Variants in RABGAP1L observed in about 807,000 individuals in gnomAD.
The protein encoded by RABGAP1L is RAB GTPase activating protein 1 like.
A neutral mutation model predicts 137.7 loss-of-function variants in RABGAP1L; 63 were observed. The observed-to-expected ratio is 0.46, with a 90% CI of 0.37 to 0.56. The LOEUF is 0.56. Ranked by LOEUF, RABGAP1L falls within the 20% of genes least tolerant of loss-of-function variation. The pLI, the probability that RABGAP1L is intolerant of heterozygous loss-of-function variation, is 0.00. For missense variants in RABGAP1L, 1,095 were observed against 1,244.0 expected, an observed-to-expected ratio of 0.88 and a Z score of 1.80; for synonymous variants, 431 against 433.7, an observed-to-expected ratio of 0.99 and a Z score of 0.08.
At chr1:174,318,348 A>G (rs1221715618) in intron 11 of RABGAP1L, among the ~76,000 whole-genome samples, 3 of 152,130 alleles carry the variant, frequency 2.0e-5, no homozygotes, top group South Asian at 4.2e-4. Context: ...TTTTCTCTTC[A>G]CTACATTTTT....
intron 13 of RABGAP1L, among the ~76,000 whole-genome samples, chr1:174,417,164 A>C (rs1558215772): frequency 6.6e-6 from 1 of 152,162 alleles, no homozygotes; most frequent in African/African-American, 2.4e-5. Context: ...ATTTTAACTT[A>C]TTCTTCTTAT....
At chr1:174,639,505 C>G (rs529934345) in intron 14 of RABGAP1L, among the ~76,000 whole-genome samples, 2 of 152,008 alleles carry the variant, frequency 1.3e-5, no homozygotes, top group East Asian at 1.9e-4. Flanking sequence ...ATATCATTTC[C>G]AAGTTTATTT....
At chr1:174,923,890 A>AG (rs1300613855) in intron 19 of RABGAP1L, among the ~76,000 whole-genome samples, 2 of 151,854 alleles carry the variant, frequency 1.3e-5, no homozygotes. Flanking sequence ...AAAAAAAAAA[A>AG]AAAAAGAAAA....
intron 13 of RABGAP1L, among the ~76,000 whole-genome samples, chr1:174,440,197 A>G (rs1326748782): frequency 6.6e-6 from 1 of 152,200 alleles, no homozygotes; most frequent in Non-Finnish European, 1.5e-5. Flanking sequence ...GAGAAGTGAG[A>G]CTGGATGGAT....
intron 17 of RABGAP1L, among the ~76,000 whole-genome samples, chr1:174,721,537 A>G (rs1345335246): frequency 6.6e-6 from 1 of 152,234 alleles, no homozygotes. Flanking sequence ...TGCATATTTT[A>G]ATAACTAAAC....
intron 13 of RABGAP1L, among the ~76,000 whole-genome samples, chr1:174,621,120 A>G (rs1672419433): frequency 3.3e-5 from 5 of 152,222 alleles, no homozygotes; most frequent in Admixed American, 3.3e-4. Context: ...CAAAGAGAAT[A>G]AAATACCTAG....
intron 18 of RABGAP1L, among the ~76,000 whole-genome samples, chr1:174,762,924 C>T (rs1685349481): frequency 6.7e-6 from 1 of 149,322 alleles, no homozygotes; most frequent in South Asian, 2.1e-4. Context: ...AAGAGGTTCT[C>T]GTGCCTCAGC....
chr1:174,209,062 T>G (rs972463688), intron 1 of RABGAP1L, among the ~76,000 whole-genome samples: 6 of 152,152 alleles, frequency 3.9e-5, no homozygotes, highest in African/African-American at 1.4e-4. Context: ...TAGATTCTTG[T>G]AAGGAGCACT....
intron 10 of RABGAP1L, 79 bp downstream of exon 10, chr1:174,278,858 C>T: frequency 8.6e-7 from 1 of 1,157,912 alleles, no homozygotes; most frequent in Non-Finnish European, 1.2e-6. Context: ...CAAGATAATT[C>T]CTGAAGTTGC....
intron 11 of RABGAP1L, among the ~76,000 whole-genome samples, chr1:174,325,269 T>G (rs1490578480): frequency 6.6e-6 from 1 of 152,220 alleles, no homozygotes; most frequent in African/African-American, 2.4e-5. Flanking sequence ...ATCGTGGCAG[T>G]TTCTCAGACA....
At chr1:174,534,802 A>AAATAAT (rs1553324951) in intron 13 of RABGAP1L, among the ~76,000 whole-genome samples, 2 of 137,264 alleles carry the variant, frequency 1.5e-5, no homozygotes, top group Non-Finnish European at 3.1e-5. Flanking sequence ...AAAAAAAAAA[A>AAATAAT]AATAATTAGA....
At chr1:174,465,231 G>A (rs937532867) in intron 13 of RABGAP1L, among the ~76,000 whole-genome samples, 5 of 152,056 alleles carry the variant, frequency 3.3e-5, no homozygotes, top group Admixed American at 6.6e-5. Context: ...GCGGAGTCTC[G>A]CTCTGTCACC....
chr1:174,464,540 A>G (rs1486474109), intron 13 of RABGAP1L, among the ~76,000 whole-genome samples: 1 of 152,178 alleles, frequency 6.6e-6, no homozygotes, highest in Non-Finnish European at 1.5e-5. Context: ...CTTATTCCTT[A>G]CACTGCTCAT....
chr1:174,967,819 A>G (rs1669772531), intron 20 of RABGAP1L, among the ~76,000 whole-genome samples: 2 of 151,198 alleles, frequency 1.3e-5, no homozygotes. Context: ...GTAGAATTCT[A>G]TTGTGAATTT....
rs536792360 is a variant in RABGAP1L, at chr1:174,164,709, C to T, written c.-34+5052C>T. Among the ~76,000 whole-genome samples the T allele has an allele frequency of 3.3e-5, 5 of 152,352 alleles. No homozygotes were observed. The East Asian group carries it at 9.6e-4, about 29-fold the overall frequency. On this transcript the variant is annotated intron_variant, in intron 1 of 25. Coordinates refer to ENST00000681986, the MANE Select transcript of RABGAP1L (RefSeq NM_001366446.1). Reference sequence around the variant, plus strand: ...ATTTATAGCACCCCACTGCTTATAACACACATTGATATATTCTGTTATTTC... The same window carrying T: ...ATTTATAGCACCCCACTGCTTATAATACACATTGATATATTCTGTTATTTC...
chr1:174,728,359 G>A (rs1469804906), intron 17 of RABGAP1L, among the ~76,000 whole-genome samples: 1 of 152,094 alleles, frequency 6.6e-6, no homozygotes, highest in Non-Finnish European at 1.5e-5. Flanking sequence ...AATAAAGAAT[G>A]CAGTCCCCTT....
intron 1 of RABGAP1L, among the ~76,000 whole-genome samples, chr1:174,194,677 G>A (rs781174581): frequency 2.8e-4 from 42 of 152,086 alleles, no homozygotes; most frequent in Non-Finnish European, 5.4e-4. Context: ...CTGGTGGGCC[G>A]GCACGCCTTA....
chr1:174,759,827 AC>A (rs940054039), intron 18 of RABGAP1L, among the ~76,000 whole-genome samples: 15 of 152,192 alleles, frequency 9.9e-5, no homozygotes, highest in African/African-American at 3.4e-4. Flanking sequence ...CTGAGTGAGA[AC>A]TAGCTCATTA....
chr1:174,551,021 T>TATATATATACACAC (rs1553330343), intron 13 of RABGAP1L, among the ~76,000 whole-genome samples: 8 of 122,794 alleles, frequency 6.5e-5, no homozygotes, highest in African/African-American at 2.7e-4. Context: ...TATATATATA[T>TATATATATACACAC]ACATACACAC....
Sources: gnomAD v4.1 joint callset for allele counts (sites outside exome capture counted in the v4.1 genomes callset) on GRCh38, gnomAD v4.1.1 for gene constraint, MANE v1.5 for transcripts, NCBI Gene and HGNC (gene_info 2026-07-23, HGNC 2026-07-21) for gene names.